The following PDZRN3 variants were observed in gnomAD, a reference collection of about 807,000 sequenced individuals.
The protein encoded by PDZRN3 is PDZ domain containing ring finger 3.
A neutral mutation model predicts 85.7 loss-of-function variants in PDZRN3; 38 were observed. The ratio of observed to expected loss-of-function variants is 0.44; its 90% CI spans 0.34 to 0.58. The LOEUF (loss-of-function observed/expected upper bound fraction) is 0.58, where lower values mean the gene tolerates loss of function less well. PDZRN3 is among the 20% of genes least tolerant of loss of function. The probability of loss-of-function intolerance (pLI) is 0.01; values close to 1 mark genes in which losing one functional copy is unlikely to be tolerated. For missense variants in PDZRN3, 1,629 were observed against 1,506.4 expected (o/e 1.08, Z -1.35); for synonymous variants, 759 against 638.0 (o/e 1.19, Z -2.86).
At chr3:73,457,762 C>T (rs956304765) in intron 3 of PDZRN3, among the ~76,000 whole-genome samples, 3 of 152,134 alleles carry the variant, frequency 2.0e-5, no homozygotes, top group Admixed American at 2.0e-4. Context: ...GCCATGAGTG[C>T]CCTTCTAAGA....
rs772688856 is a variant in PDZRN3, at chr3:73,384,830, C to T, written c.1736G>A (p.Arg579His). The change falls in exon 10 of 10, where the codon CGT becomes CAT. Residue 579 changes from arginine to histidine, a missense_variant. Transcript: ENST00000263666. ...SGVGRTDESTRNDESSEQENN... is the reference protein window; with the variant it reads ...SGVGRTDESTHNDESSEQENN... The stretch of plus-strand genomic sequence containing the variant: ...CTCTTGCTCCGAGCTCTCGTCATTA[C>T]GGGTGCTCTCGTCGGTCCGCCCCAC... 5 of 1,614,154 alleles carry T rather than the reference C, an allele frequency of 3.1e-6. 1 individual carries two copies. In the South Asian group the frequency reaches 5.5e-5, roughly 18 times the overall value.
At chr3:73,405,220 C>G (rs898285423) in intron 3 of PDZRN3, among the ~76,000 whole-genome samples, 1 of 152,186 alleles carries the variant, frequency 6.6e-6, no homozygotes, top group African/African-American at 2.4e-5. Flanking sequence ...GACGCGGTGT[C>G]CAGGATTCTC....
chr3:73,530,203 C>A (rs964941040), intron 3 of PDZRN3, among the ~76,000 whole-genome samples: 1 of 152,292 alleles, frequency 6.6e-6, no homozygotes, highest in Non-Finnish European at 1.5e-5. Context: ...CTGAAGTTAA[C>A]GCTGGAATGC....
intron 3 of PDZRN3, among the ~76,000 whole-genome samples, chr3:73,561,819 C>CA (rs1252579190): frequency 6.6e-6 from 1 of 150,782 alleles, no homozygotes; most frequent in African/African-American, 2.4e-5. Context: ...GACAAGCAAA[C>CA]TTAAAAAAAA....
At chr3:73,409,964 G>A (rs1261166655) in intron 3 of PDZRN3, among the ~76,000 whole-genome samples, 4 of 152,144 alleles carry the variant, frequency 2.6e-5, no homozygotes, top group Admixed American at 6.5e-5. Flanking sequence ...TATAAAGTAC[G>A]AATGCAATTT....
At chr3:73,437,382 C>T (rs1393401479) in intron 3 of PDZRN3, among the ~76,000 whole-genome samples, 1 of 152,154 alleles carries the variant, frequency 6.6e-6, no homozygotes, top group East Asian at 1.9e-4. Context: ...TAGAAAACTC[C>T]ACTGTACTAC....
chr3:73,553,247 G>A (rs1329769769), intron 3 of PDZRN3, among the ~76,000 whole-genome samples: 1 of 152,090 alleles, frequency 6.6e-6, no homozygotes, highest in Non-Finnish European at 1.5e-5. Flanking sequence ...TTGACACAAT[G>A]ATCTCATTTA....
Position 73,589,685 on chromosome 3 carries a change from CCA to C in PDZRN3, c.918+12667_918+12668del, listed in dbSNP as rs1702326197. Among the ~76,000 whole-genome samples the C allele has an allele frequency of 3.3e-5, 5 of 152,276 alleles. No individual in the cohort carries two copies. In the East Asian group the frequency reaches 7.7e-4, roughly 24 times the overall value. ...TTCCTTGTCACCACTTTACATAATA[CCA>C]TCTGCCCAAAGGATTCTCCTTTCAT... On this transcript the variant is annotated intron_variant, in intron 3 of 9. Coordinates refer to ENST00000263666, the MANE Select transcript of PDZRN3 (RefSeq NM_015009.3).
In PDZRN3 at chr3:73,602,365, T is replaced by C. The variant is rs774830570; in HGVS notation, c.907A>G (p.Arg303Gly). The change falls in exon 3 of 10, where the codon AGG (arginine) becomes GGG (glycine). Residue 303 changes from arginine (R) to glycine (G), a missense_variant. Arg to Gly is a moderately radical substitution (Grantham distance 125). Coordinates refer to ENST00000263666, the MANE Select transcript of PDZRN3 (RefSeq NM_015009.3). ...AKEGGLQIHD[R>G]IIEVNGRDLS... ...CAGTATTCACATACCTCAATAATCC[T>C]GTCATGAATTTGCAGGCCTCCTTCC... 1.3e-6 allele frequency: 2 copies of C among 1,569,586 alleles called. No homozygotes were observed. The highest frequency in any genetic ancestry group is 1.1e-5 in the South Asian group (1 of 90,150).
rs749523844 is a variant in PDZRN3, at chr3:73,383,677, C to A, written c.2889G>T (p.Ala963=). Residue 963 remains alanine, a synonymous_variant, in exon 10 of 10, where the codon GCG becomes GCT. Coordinates refer to ENST00000263666, the MANE Select transcript of PDZRN3 (RefSeq NM_015009.3). The stretch of plus-strand genomic sequence containing the variant: ...AGCGCCCCATCTTCATCTCGCTCAC[C>A]GCGTCGTCGTCGGTGGTCATGCCGC... ...ERSGMTTDDD[A]VSEMKMGRYW... is the part of the protein sequence containing the mutation. The A allele has an allele frequency of 3.7e-6, 6 of 1,612,152 alleles. No homozygotes were observed.
intron 3 of PDZRN3, among the ~76,000 whole-genome samples, chr3:73,473,289 G>A (rs779217533): frequency 2.6e-5 from 4 of 152,002 alleles, no homozygotes; most frequent in Non-Finnish European, 5.9e-5. Context: ...AATATTTGGT[G>A]CAAGTTCTCT....
chr3:73,446,038 C>T (rs72884266), intron 3 of PDZRN3, among the ~76,000 whole-genome samples: 39 of 152,224 alleles, frequency 2.6e-4, no homozygotes, highest in African/African-American at 7.9e-4. Flanking sequence ...GTGATTCGTC[C>T]CTGGGGGTAA....
intron 3 of PDZRN3, among the ~76,000 whole-genome samples, chr3:73,438,447 A>G (rs1702572009): frequency 6.6e-6 from 1 of 152,222 alleles, no homozygotes; most frequent in African/African-American, 2.4e-5. Flanking sequence ...TATTGTAATG[A>G]TGAGCACAGG....
At chr3:73,540,109 A>C (rs895706889) in intron 3 of PDZRN3, among the ~76,000 whole-genome samples, 2 of 149,978 alleles carry the variant, frequency 1.3e-5, no homozygotes, top group Non-Finnish European at 2.9e-5. Context: ...AAAAAAAAAA[A>C]AACAGTTCTC....
chr3:73,435,402 T>C (rs2106809511), intron 3 of PDZRN3, among the ~76,000 whole-genome samples: 1 of 152,266 alleles, frequency 6.6e-6, no homozygotes, highest in African/African-American at 2.4e-5. Flanking sequence ...GCTGCAGTAA[T>C]TGCTGACTTG....
chr3:73,545,068 T>C (rs556915948), intron 3 of PDZRN3, among the ~76,000 whole-genome samples: 18 of 152,364 alleles, frequency 1.2e-4, no homozygotes, highest in African/African-American at 4.1e-4. Context: ...TTTTACAGCA[T>C]GCCTACCTAT....
intron 3 of PDZRN3, among the ~76,000 whole-genome samples, chr3:73,476,763 T>C (rs1703467416): frequency 6.6e-6 from 1 of 152,166 alleles, no homozygotes; most frequent in Non-Finnish European, 1.5e-5. Context: ...CTGAGGCCTC[T>C]TACCAATAGC....
intron 1 of PDZRN3, 142 bp downstream of exon 1, chr3:73,623,961 A>G: frequency 4.9e-6 from 4 of 810,066 alleles, no homozygotes; most frequent in Non-Finnish European, 7.1e-6. Context: ...GTAGTGATAC[A>G]GCTGGTAAGC....
chr3:73,617,952 C>T (rs904695947), intron 1 of PDZRN3, among the ~76,000 whole-genome samples: 3 of 152,204 alleles, frequency 2.0e-5, no homozygotes, highest in Admixed American at 1.3e-4. Flanking sequence ...GTGATCTTTC[C>T]GGCTAGGCCT....
Sources: gnomAD v4.1 joint callset for allele counts (sites outside exome capture counted in the v4.1 genomes callset) on GRCh38, gnomAD v4.1.1 for gene constraint, MANE v1.5 for transcripts, NCBI Gene and HGNC (gene_info 2026-07-23, HGNC 2026-07-21) for gene names.